Variants in CEP83 observed in about 807,000 individuals in gnomAD.
CEP83 encodes centrosomal protein 83.
Under a neutral mutation model 101.9 loss-of-function variants are expected in CEP83, and 70 were observed. The observed-to-expected ratio is 0.69, with a 90% CI of 0.57 to 0.84. CEP83 has a LOEUF of 0.84. Among genes scored for constraint, CEP83 ranks in the 40% least tolerant of loss-of-function variants. The pLI is 0.00. For synonymous variants in CEP83, 264 were observed against 267.9 expected, an observed-to-expected ratio of 0.99 and a Z score of 0.14; for missense variants, 715 against 787.2, an observed-to-expected ratio of 0.91 and a Z score of 1.10.
At chr12:94,363,547 A>G (rs970170851) in intron 11 of CEP83, among the ~76,000 whole-genome samples, 3 of 152,244 alleles carry the variant, frequency 2.0e-5, no homozygotes. Context: ...ACACATGTTC[A>G]TAACAGCATT....
intron 2 of CEP83, 101 bp from the exon 3 acceptor site, chr12:94,412,692 T>TA: frequency 2.9e-6 from 1 of 340,864 alleles, no homozygotes; most frequent in Non-Finnish European, 4.9e-6. Flanking sequence ...CTTTTTTTTT[T>TA]CTTTTTTTTT....
At chr12:94,345,758 T>C (rs1453146536) in intron 11 of CEP83, among the ~76,000 whole-genome samples, 1 of 152,230 alleles carries the variant, frequency 6.6e-6, no homozygotes, top group Non-Finnish European at 1.5e-5. Context: ...AGAATCTAAA[T>C]GCACAGGACT....
chr12:94,279,497 T>G, the CEP83 span: 21 of 1,613,506 alleles, frequency 1.3e-5, no homozygotes, highest in Middle Eastern at 2.1e-3. Flanking sequence ...TTTGAAAAAA[T>G]CCCGGAAAAC....
At chr12:94,331,890 T>G in intron 13 of CEP83, 61 bp from the exon 14 acceptor site, 2 of 1,494,046 alleles carry the variant, frequency 1.3e-6, no homozygotes, top group Non-Finnish European at 1.9e-6. Context: ...TAAATAGATA[T>G]TATCACAAGT....
chr12:94,431,183 T>A (rs1022707110), intron 2 of CEP83, among the ~76,000 whole-genome samples: 8 of 152,112 alleles, frequency 5.3e-5, no homozygotes, highest in Admixed American at 1.3e-4. Flanking sequence ...ACTAAGGACA[T>A]ACATTTGGGA....
chr12:94,443,282 C>T (rs77626725), intron 1 of CEP83, among the ~76,000 whole-genome samples: 4 of 147,250 alleles, frequency 2.7e-5, no homozygotes, highest in Admixed American at 6.8e-5. Context: ...CAACTTTGTT[C>T]ATACAGTTAT....
chr12:94,438,606 A>G (rs1027832459), intron 1 of CEP83, among the ~76,000 whole-genome samples: 3 of 152,342 alleles, frequency 2.0e-5, no homozygotes, highest in South Asian at 4.1e-4. Flanking sequence ...AGAGACTTCA[A>G]TACTCCACTA....
intron 8 of CEP83, among the ~76,000 whole-genome samples, chr12:94,370,237 A>C (rs1399722531): frequency 6.6e-6 from 1 of 152,246 alleles, no homozygotes; most frequent in African/African-American, 2.4e-5. Flanking sequence ...TCCTAACAGA[A>C]CAGAGGCATT....
chr12:94,352,979 T>C (rs750570603), intron 11 of CEP83, among the ~76,000 whole-genome samples: 2 of 151,764 alleles, frequency 1.3e-5, no homozygotes, highest in Non-Finnish European at 2.9e-5. Context: ...GAGATGAACA[T>C]CCAAATCCAA....
intron 6 of CEP83, among the ~76,000 whole-genome samples, chr12:94,391,412 C>T (rs544213702): frequency 6.6e-6 from 1 of 152,310 alleles, no homozygotes; most frequent in Admixed American, 6.5e-5. Context: ...AAATCCTTTA[C>T]AGACAAGCAA....
intron 6 of CEP83, among the ~76,000 whole-genome samples, chr12:94,386,714 A>T (rs1245391242): frequency 6.6e-6 from 1 of 152,088 alleles, no homozygotes; most frequent in African/African-American, 2.4e-5. Context: ...TTCCATCCCT[A>T]TTCCATCCTA....
chr12:94,265,693 A>G, the CEP83 span, among the ~76,000 whole-genome samples: 1 of 152,220 alleles, frequency 6.6e-6, no homozygotes, highest in Non-Finnish European at 1.5e-5. Flanking sequence ...CTTTATTTTC[A>G]TGGATTAGTT....
chr12:94,324,291 A>C (rs2058873098), intron 14 of CEP83, among the ~76,000 whole-genome samples: 1 of 152,196 alleles, frequency 6.6e-6, no homozygotes, highest in Non-Finnish European at 1.5e-5. Context: ...TTAACTAAAG[A>C]TTTCATTTCA....
chr12:94,273,278 C>T, the CEP83 span, among the ~76,000 whole-genome samples: 1 of 152,120 alleles, frequency 6.6e-6, no homozygotes, highest in East Asian at 1.9e-4. Flanking sequence ...TTTCAGGTGG[C>T]AGGAGGTGGT....
In CEP83 at chr12:94,451,811, C is replaced by A. The variant is rs1327257242; in HGVS notation, c.-155+7746G>T. 1.1e-4 allele frequency among the ~76,000 whole-genome samples: 16 copies of A among 152,204 alleles called. No homozygotes were observed. The East Asian group carries it at 2.9e-3, about 28-fold the overall frequency. On this transcript the variant is annotated intron_variant, in intron 1 of 16. Transcript: ENST00000397809. Reference sequence around the variant, plus strand: ...TCCACTCCTAGGAATTTACCCAAAACAAATGAATACATATGCTCACACAAG... The same window carrying A: ...TCCACTCCTAGGAATTTACCCAAAAAAAATGAATACATATGCTCACACAAG...
chr12:94,346,868 T>C (rs1357534618), intron 11 of CEP83, among the ~76,000 whole-genome samples: 1 of 152,066 alleles, frequency 6.6e-6, no homozygotes, highest in Non-Finnish European at 1.5e-5. Flanking sequence ...AGAAACCTTG[T>C]CTCTGCTAAA....
At chr12:94,420,039 T>C (rs1446648351) in intron 2 of CEP83, among the ~76,000 whole-genome samples, 2 of 152,178 alleles carry the variant, frequency 1.3e-5, no homozygotes, top group Non-Finnish European at 2.9e-5. Flanking sequence ...AAAATATCCA[T>C]TTGCATCTTT....
intron 1 of CEP83, among the ~76,000 whole-genome samples, chr12:94,447,039 G>C (rs1055287770): frequency 6.6e-6 from 1 of 151,998 alleles, no homozygotes; most frequent in Non-Finnish European, 1.5e-5. Flanking sequence ...TTTTTTTAAA[G>C]AAACACAAAA....
intron 9 of CEP83, chr12:94,368,740 C>T (rs2061145708): frequency 6.6e-6 from 1 of 152,204 alleles, no homozygotes; most frequent in South Asian, 2.1e-4. Context: ...ATAACTAAAG[C>T]AAATTCACAT....
Sources: gnomAD v4.1 joint callset for allele counts (sites outside exome capture counted in the v4.1 genomes callset) on GRCh38, gnomAD v4.1.1 for gene constraint, MANE v1.5 for transcripts, NCBI Gene and HGNC (gene_info 2026-07-23, HGNC 2026-07-21) for gene names.